The following FBXO10 variants were observed in gnomAD, a reference collection of about 807,000 sequenced individuals.
The protein encoded by FBXO10 is F-box only protein 10.
In FBXO10, 39 loss-of-function variants were observed where a neutral mutation model predicts 80.7. The ratio of observed to expected loss-of-function variants is 0.48; its 90% CI spans 0.37 to 0.63. The LOEUF is 0.63. Among genes scored for constraint, FBXO10 ranks in the 30% least tolerant of loss-of-function variants. The pLI is 0.00. For missense variants in FBXO10, 1,025 were observed against 1,269.0 expected (o/e 0.81, Z 2.92); for synonymous variants, 449 against 489.6 (o/e 0.92, Z 1.09).
chr9:37,529,303 G>A (rs993378660), intron 4 of FBXO10, 43 bp from the exon 5 acceptor site: 45 of 1,573,684 alleles, frequency 2.9e-5, no homozygotes, highest in Middle Eastern at 1.7e-4. Flanking sequence ...GATCAGACAC[G>A]TCAGCGAAGC....
In FBXO10 at chr9:37,521,557, G is replaced by A. The variant is rs1485272686; in HGVS notation, c.2200+12C>T. 2 of 1,584,634 alleles carry A rather than the reference G, an allele frequency of 1.3e-6. No homozygotes were observed. The highest frequency in any genetic ancestry group is 2.7e-5 in the African/African-American group (2 of 74,496). On this transcript the variant is annotated intron_variant, in intron 8 of 10. Coordinates refer to ENST00000432825, the MANE Select transcript of FBXO10 (RefSeq NM_012166.3). ...GAAGGTTCTTGAGCAGGGGCTGAGG[G>A]GGTATACTCACCTCCATTGTGATTA...
chr9:37,549,808 T>C (rs1183990495), intron 1 of FBXO10, among the ~76,000 whole-genome samples: 1 of 152,202 alleles, frequency 6.6e-6, no homozygotes, highest in Non-Finnish European at 1.5e-5. Flanking sequence ...AAACCCAGGT[T>C]CAACCCCTTT....
At chr9:37,538,802 C>T (rs1821847429) in intron 2 of FBXO10, among the ~76,000 whole-genome samples, 1 of 151,830 alleles carries the variant, frequency 6.6e-6, no homozygotes, top group Non-Finnish European at 1.5e-5. Flanking sequence ...GTTTCCTTGT[C>T]TGCAGCATGG....
chr9:37,564,357 C>T (rs758554811), intron 1 of FBXO10, among the ~76,000 whole-genome samples: 8 of 152,130 alleles, frequency 5.3e-5, no homozygotes, highest in Admixed American at 1.3e-4. Flanking sequence ...AATGTGGGGT[C>T]GGGGCCCCCA....
chr9:37,545,256 A>G (rs922282409), intron 1 of FBXO10, among the ~76,000 whole-genome samples: 2 of 133,926 alleles, frequency 1.5e-5, no homozygotes, highest in African/African-American at 2.9e-5. Context: ...GGCTCACTGC[A>G]ACCTCTGCCT....
Position 37,543,946 on chromosome 9 carries a change from A to G in FBXO10, c.-6-2172T>C, listed in dbSNP as rs528198868. Among the ~76,000 whole-genome samples the G allele has an allele frequency of 3.5e-4, 53 of 152,316 alleles. 2 individuals are homozygous for G. The highest frequency in any genetic ancestry group is 3.1e-3 in the Admixed American group (47 of 15,294). On this transcript the variant is annotated intron_variant, in intron 1 of 10. Coordinates refer to ENST00000432825, the MANE Select transcript of FBXO10 (RefSeq NM_012166.3). ...GGAGTTCCAGACCAGCCTGGCCAAC[A>G]TGGTGAAACTTTGCCTCTACTAAAA...
intron 3 of FBXO10, among the ~76,000 whole-genome samples, chr9:37,535,355 A>AT (rs59049731): frequency 0.11 from 16,007 of 146,004 alleles, 1,969 homozygotes; most frequent in African/African-American, 0.31. Flanking sequence ...CTTTTTTTTT[A>AT]TTTTTTTTTT....
At chr9:37,535,145 G>C (rs897523095) in intron 3 of FBXO10, among the ~76,000 whole-genome samples, 1 of 152,096 alleles carries the variant, frequency 6.6e-6, no homozygotes, top group African/African-American at 2.4e-5. Context: ...GGGACGCTGA[G>C]GATAATCCTA....
At chr9:37,532,294 CTTTTTTT>C (rs869146793) in intron 3 of FBXO10, among the ~76,000 whole-genome samples, 4 of 102,404 alleles carry the variant, frequency 3.9e-5, no homozygotes, top group Non-Finnish European at 5.8e-5. Context: ...CACATTGGTT[CTTTTTTT>C]TTTTTTTTTT....
intron 1 of FBXO10, among the ~76,000 whole-genome samples, chr9:37,545,096 C>T (rs1822023500): frequency 1.3e-5 from 2 of 150,914 alleles, no homozygotes; most frequent in African/African-American, 4.9e-5. Flanking sequence ...CCAAGATGGA[C>T]ACCAGTTTAT....
chr9:37,556,324 A>C (rs529236254), intron 1 of FBXO10, among the ~76,000 whole-genome samples: 3 of 151,552 alleles, frequency 2.0e-5, no homozygotes, highest in African/African-American at 7.3e-5. Flanking sequence ...TTTTTTTCTA[A>C]AAGTTTTATA....
intron 7 of FBXO10, 58 bp from the exon 8 acceptor site, chr9:37,521,896 G>A: frequency 1.3e-6 from 2 of 1,495,166 alleles, no homozygotes; most frequent in Non-Finnish European, 1.8e-6. Context: ...CGGCACCTGA[G>A]TCTCCCTGAG....
chr9:37,526,052 G>C (rs567547657), intron 5 of FBXO10, among the ~76,000 whole-genome samples: 3 of 151,808 alleles, frequency 2.0e-5, no homozygotes, highest in Admixed American at 6.6e-5. Context: ...CTCCAGAAAG[G>C]ATCCGTGGCC....
Position 37,537,545 on chromosome 9 carries a change from C to T in FBXO10, c.984G>A (p.Lys328=). The T allele has an allele frequency of 2.5e-6, 4 of 1,613,194 alleles. No homozygotes were observed. Among genetic ancestry groups the T allele is most frequent in the Non-Finnish European group, 3.4e-6 (4 of 1,179,576 alleles). The part of the protein sequence containing the change: ...SPTSPASSSP[K]PGSKAGSQEA... Reference sequence around the variant, plus strand: ...CCTGTGAGCCAGCCTTGGAGCCTGGCTTTGGGGAGCTAGAGGCTGGGCTGG... The same window carrying T: ...CCTGTGAGCCAGCCTTGGAGCCTGGTTTTGGGGAGCTAGAGGCTGGGCTGG... The change falls in exon 3 of 11, where the codon AAG becomes AAA. Residue 328 remains lysine (K), a synonymous_variant. Transcript: ENST00000432825.
At chr9:37,570,125 C>T (rs1822710750) in intron 1 of FBXO10, among the ~76,000 whole-genome samples, 1 of 152,108 alleles carries the variant, frequency 6.6e-6, no homozygotes, top group Non-Finnish European at 1.5e-5. Context: ...GCCTGAGCAA[C>T]ATGGTAAAAC....
At chr9:37,518,699 G>C (rs571337463) in intron 8 of FBXO10, among the ~76,000 whole-genome samples, 1 of 152,046 alleles carries the variant, frequency 6.6e-6, no homozygotes, top group Non-Finnish European at 1.5e-5. Flanking sequence ...ATGTGAGAAG[G>C]CTCCTCTGGC....
chr9:37,572,515 T>C (rs541355366), intron 1 of FBXO10, among the ~76,000 whole-genome samples: 1 of 152,310 alleles, frequency 6.6e-6, no homozygotes, highest in South Asian at 2.1e-4. Context: ...GGCCGCCACG[T>C]GGATGCATCT....
intron 1 of FBXO10, among the ~76,000 whole-genome samples, chr9:37,560,673 C>T (rs1195304409): frequency 1.3e-5 from 2 of 151,840 alleles, no homozygotes; most frequent in African/African-American, 2.4e-5. Flanking sequence ...TTTGCCTTTC[C>T]GTTTTACCAC....
intron 8 of FBXO10, among the ~76,000 whole-genome samples, chr9:37,520,272 A>T (rs74427895): frequency 0.034 from 3,785 of 109,968 alleles, 67 homozygotes; most frequent in Middle Eastern, 0.11. Flanking sequence ...CACAGTAATT[A>T]TTTTTTTTTA....
Sources: allele counts gnomAD v4.1 joint callset (sites outside exome capture counted in the v4.1 genomes callset), GRCh38; gene constraint gnomAD v4.1.1; transcripts MANE v1.5; gene names NCBI Gene and HGNC (gene_info 2026-07-23, HGNC 2026-07-21).